TMCC1: variants seen among roughly 807,000 people sequenced by gnomAD.
The protein encoded by TMCC1 is transmembrane and coiled-coil domain family 1.
A neutral mutation model predicts 52.4 loss-of-function variants in TMCC1; 15 were observed. The ratio of observed to expected loss-of-function variants is 0.29; its 90% confidence interval spans 0.19 to 0.44. TMCC1 has a LOEUF of 0.44. TMCC1 is among the 20% of genes least tolerant of loss of function. The pLI is 1.00. For missense variants in TMCC1, 503 were observed against 806.0 expected, an observed-to-expected ratio of 0.62 and a Z score of 4.55; for synonymous variants, 279 against 301.9, an observed-to-expected ratio of 0.92 and a Z score of 0.79.
intron 2 of TMCC1, among the ~76,000 whole-genome samples, chr3:129,870,950 G>T (rs1053225111): frequency 6.6e-6 from 1 of 151,856 alleles, no homozygotes; most frequent in Non-Finnish European, 1.5e-5. Flanking sequence ...CTGTACCTCT[G>T]TAAGTGTTCA....
rs563748061 is a variant in TMCC1 at position 129,882,809 on chromosome 3, T to C, written c.-434-2250A>G. The stretch of plus-strand genomic sequence containing the variant: ...ACTGTATGATTCCACTTATATGAGG[T>C]ACCTAGGGTAGTCAAATTCAAAGAC... On this transcript the variant is annotated intron_variant, in intron 1 of 6. Transcript: ENST00000393238. Among the ~76,000 whole-genome samples, 4 of 152,210 alleles carry C rather than the reference T, an allele frequency of 2.6e-5. No individual in the cohort carries two copies. In the South Asian group the frequency reaches 8.3e-4, roughly 32 times the overall value.
intron 4 of TMCC1, among the ~76,000 whole-genome samples, chr3:129,756,079 C>G (rs1448678979): frequency 7.5e-6 from 1 of 133,822 alleles, no homozygotes; most frequent in Non-Finnish European, 1.5e-5. Flanking sequence ...GCCTGGGCCA[C>G]AGAGCAAGAC....
Position 129,651,410 on chromosome 3 carries a change from G to T in TMCC1, c.*71C>A, listed in dbSNP as rs2086311645. On this transcript the variant is annotated 3_prime_UTR_variant, in exon 7 of 7. Transcript: ENST00000393238. This position sits in a 1 kb window ranked among gnomAD's most constrained non-coding sequence, Gnocchi z 5.1. ...TTTGTTGTAGAAAACTTCAGAGTAGGTAAGTTGCTGTCTAACTCTCTGCTG... is the reference window on the plus strand; with the variant it reads ...TTTGTTGTAGAAAACTTCAGAGTAGTTAAGTTGCTGTCTAACTCTCTGCTG... 2 of 1,482,226 alleles carry T rather than the reference G, an allele frequency of 1.3e-6. No homozygotes were observed. The highest frequency in any genetic ancestry group is 4.6e-5 in the East Asian group (2 of 43,802). 91.8% of individuals were successfully genotyped at this position (1,482,226 alleles called of 1,614,324 possible). A position where few individuals can be genotyped will look rare whatever the true frequency, so the allele number is the denominator to read the frequency against.
chr3:129,658,779 A>G (rs757372965), intron 5 of TMCC1, among the ~76,000 whole-genome samples: 1 of 152,242 alleles, frequency 6.6e-6, no homozygotes, highest in Non-Finnish European at 1.5e-5. Context: ...GAATTCAGGT[A>G]TCAAGAGCTC....
chr3:129,674,827 C>T (rs1050649161), intron 4 of TMCC1, among the ~76,000 whole-genome samples: 2 of 152,184 alleles, frequency 1.3e-5, no homozygotes, highest in Non-Finnish European at 2.9e-5. Flanking sequence ...TATACAACAA[C>T]ATAAAATTAG....
At chr3:129,734,421 G>A (rs2050779746) in intron 4 of TMCC1, among the ~76,000 whole-genome samples, 1 of 152,076 alleles carries the variant, frequency 6.6e-6, no homozygotes, top group African/African-American at 2.4e-5. Flanking sequence ...TGCAATACAA[G>A]TACATAGACA....
intron 2 of TMCC1, among the ~76,000 whole-genome samples, chr3:129,840,283 T>A (rs1256666747): frequency 3.0e-5 from 4 of 134,964 alleles, no homozygotes; most frequent in African/African-American, 1.2e-4. Context: ...GCCATGATCA[T>A]GCTACTGTAC....
At position 129,878,653 on chromosome 3, in the gene TMCC1, A is replaced by C. The variant is rs567322377; in HGVS notation, c.-184+1656T>G. ...CAAAGAAATGAAAATGTCAAAATAT[A>C]AATCAGATCATGTCACCCTGCCCAA... On this transcript the variant is annotated intron_variant, in intron 2 of 6. Transcript: ENST00000393238. Among the ~76,000 whole-genome samples, 95 of 152,274 alleles carry C rather than the reference A, an allele frequency of 6.2e-4. 1 individual carries two copies. Among genetic ancestry groups the C allele is most frequent in the Non-Finnish European group, 1.5e-4 (10 of 68,034 alleles).
rs1015860543 is a variant in TMCC1, at chr3:129,852,456, C to CAAAAA, written c.-183-19635_-183-19631dup. Reference sequence around the variant, plus strand: ...TGGGTGACAGAACGAGACACCGTCTCAAAAAAAAAAAAAAAAAAAAAAAAA... The same window carrying CAAAAA: ...TGGGTGACAGAACGAGACACCGTCTCAAAAAAAAAAAAAAAAAAAAAAAAAAAAAA... On this transcript the variant is annotated intron_variant, in intron 2 of 6. Coordinates refer to ENST00000393238, the MANE Select transcript of TMCC1 (RefSeq NM_001017395.5). 4.0e-4 allele frequency among the ~76,000 whole-genome samples: 16 copies of CAAAAA among 39,790 alleles called. No individual in the cohort carries two copies. In the South Asian group the frequency reaches 4.4e-3, roughly 11 times the overall value. The allele number at this position is 39,790 out of a possible 152,430, so 26.1% of individuals were successfully genotyped here.
At chr3:129,833,220 A>G (rs1373191764) in intron 2 of TMCC1, among the ~76,000 whole-genome samples, 1 of 152,222 alleles carries the variant, frequency 6.6e-6, no homozygotes, top group Non-Finnish European at 1.5e-5. Flanking sequence ...TTTTATAAGT[A>G]AAATTTTTTT....
At chr3:129,886,536 C>T (rs1463374583) in intron 1 of TMCC1, among the ~76,000 whole-genome samples, 6 of 152,182 alleles carry the variant, frequency 3.9e-5, no homozygotes, top group South Asian at 2.1e-4. Flanking sequence ...GTACACAAAA[C>T]GTGGTGTATC....
intron 4 of TMCC1, among the ~76,000 whole-genome samples, chr3:129,769,966 TG>T (rs1354307934): frequency 6.6e-6 from 1 of 152,228 alleles, no homozygotes; most frequent in Non-Finnish European, 1.5e-5. Flanking sequence ...TATAAAGTGA[TG>T]ATTACCAAAG....
intron 4 of TMCC1, among the ~76,000 whole-genome samples, chr3:129,816,359 T>G (rs1263153526): frequency 6.6e-6 from 1 of 151,974 alleles, no homozygotes; most frequent in African/African-American, 2.4e-5. Flanking sequence ...GACAAATGAA[T>G]AAAGAAAATG....
rs574001221 is a variant in TMCC1 at position 129,672,806 on chromosome 3, T to A, written c.577-1542A>T. Among the ~76,000 whole-genome samples the A allele has an allele frequency of 4.6e-5, 7 of 152,304 alleles. No individual in the cohort carries two copies. The South Asian group carries it at 6.2e-4, about 14-fold the overall frequency. On this transcript the variant is annotated intron_variant, in intron 4 of 6. Transcript: ENST00000393238. ...GATCACCTTCTTCCTCATATTTTCA[T>A]GACAATAATGCACCAAGTTTGAAAT...
intron 2 of TMCC1, among the ~76,000 whole-genome samples, chr3:129,861,473 T>C (rs1233128053): frequency 5.3e-5 from 8 of 152,110 alleles, no homozygotes; most frequent in Non-Finnish European, 1.2e-4. Context: ...TTATTACTTA[T>C]GGCAAGAACC....
chr3:129,723,385 C>T (rs2049798740), intron 4 of TMCC1, among the ~76,000 whole-genome samples: 1 of 136,664 alleles, frequency 7.3e-6, no homozygotes. Flanking sequence ...TTTTTGGCCA[C>T]CTAGATCCAT....
chr3:129,770,388 C>T (rs181147412), intron 4 of TMCC1, among the ~76,000 whole-genome samples: 1 of 152,196 alleles, frequency 6.6e-6, no homozygotes, highest in East Asian at 1.9e-4. Flanking sequence ...TGGTGTTGCA[C>T]ACCTGTAGTC....
intron 2 of TMCC1, among the ~76,000 whole-genome samples, chr3:129,846,785 T>C (rs1454172515): frequency 2.7e-5 from 4 of 148,526 alleles, no homozygotes; most frequent in African/African-American, 9.9e-5. Context: ...TCCCAGCACT[T>C]TGGGATGCTG....
chr3:129,742,061 G>C (rs944391573), intron 4 of TMCC1, among the ~76,000 whole-genome samples: 10 of 152,220 alleles, frequency 6.6e-5, no homozygotes, highest in Admixed American at 2.0e-4. Flanking sequence ...TCTTTTGGAT[G>C]AAAGACCTAA....
Sources: gnomAD v4.1 joint callset for allele counts (sites outside exome capture counted in the v4.1 genomes callset) on GRCh38, gnomAD v4.1.1 for gene constraint, Gnocchi (gnomAD v3.1) non-coding constraint, MANE v1.5 for transcripts, NCBI Gene and HGNC (gene_info 2026-07-23, HGNC 2026-07-21) for gene names.